The following FAM171A1 variants were observed in gnomAD, a reference collection of about 807,000 sequenced individuals.
The protein encoded by FAM171A1 is protein FAM171A1.
In FAM171A1, 23 loss-of-function variants were observed where a neutral mutation model predicts 74.9. The ratio of observed to expected loss-of-function variants is 0.31; its 90% confidence interval spans 0.22 to 0.44. FAM171A1 has a LOEUF of 0.44. FAM171A1 is among the 20% of genes least tolerant of loss of function. The probability of loss-of-function intolerance (pLI) is 1.00; values close to 1 mark genes in which losing one functional copy is unlikely to be tolerated. For missense variants in FAM171A1, 1,162 were observed against 1,159.2 expected, an observed-to-expected ratio of 1.00 and a Z score of -0.03; for synonymous variants, 527 against 505.7, an observed-to-expected ratio of 1.04 and a Z score of -0.57.
intron 3 of FAM171A1, among the ~76,000 whole-genome samples, chr10:15,275,512 G>A (rs148850868): frequency 1.7e-4 from 26 of 151,718 alleles, no homozygotes; most frequent in African/African-American, 6.3e-4. Context: ...GGCCAGGCTG[G>A]TCTCCAATCC....
At chr10:15,292,200 C>G (rs964774117) in intron 1 of FAM171A1, among the ~76,000 whole-genome samples, 5 of 152,038 alleles carry the variant, frequency 3.3e-5, no homozygotes, top group Admixed American at 6.6e-5. Context: ...ACCTGATGTC[C>G]TCCCAAAAGA....
intron 1 of FAM171A1, among the ~76,000 whole-genome samples, chr10:15,314,701 T>C (rs1025665268): frequency 6.6e-6 from 1 of 152,242 alleles, no homozygotes; most frequent in Non-Finnish European, 1.5e-5. Context: ...TCTGCTTTGC[T>C]GGTGCAGATC....
intron 1 of FAM171A1, among the ~76,000 whole-genome samples, chr10:15,331,070 G>C (rs12763692): frequency 0.073 from 11,020 of 151,758 alleles, 511 homozygotes; most frequent in Middle Eastern, 0.11. Flanking sequence ...TTGTATTTTT[G>C]GTAGAAACAG....
intron 1 of FAM171A1, among the ~76,000 whole-genome samples, chr10:15,306,889 T>C (rs1835302250): frequency 2.0e-5 from 3 of 152,238 alleles, no homozygotes; most frequent in South Asian, 2.1e-4. Flanking sequence ...ACATCCATCA[T>C]GACTAACACT....
chr10:15,223,253 C>T (rs982444769), intron 5 of FAM171A1, among the ~76,000 whole-genome samples: 5 of 152,200 alleles, frequency 3.3e-5, no homozygotes, highest in African/African-American at 7.2e-5. Context: ...AGAATGTTTG[C>T]GACTGCTCCT....
intron 4 of FAM171A1, among the ~76,000 whole-genome samples, chr10:15,252,519 T>C (rs1834522899): frequency 6.6e-6 from 1 of 152,246 alleles, no homozygotes; most frequent in Non-Finnish European, 1.5e-5. Context: ...TGAGTGACTG[T>C]GGGCAAAAGA....
intron 3 of FAM171A1, among the ~76,000 whole-genome samples, chr10:15,270,860 C>G (rs905450812): frequency 6.6e-6 from 1 of 152,148 alleles, no homozygotes; most frequent in Admixed American, 6.6e-5. Flanking sequence ...GACATCCACA[C>G]CAAAACCCCA....
rs1310648728 is a variant in FAM171A1 at position 15,213,143 on chromosome 10, G to A, written c.2445C>T (p.Cys815=). The A allele has an allele frequency of 2.5e-6, 4 of 1,614,114 alleles. No homozygotes were observed. Among genetic ancestry groups the A allele is most frequent in the South Asian group, 1.1e-5 (1 of 91,080 alleles). The change falls in exon 8 of 8, where the codon TGC becomes TGT. Residue 815 remains cysteine, a synonymous_variant. Coordinates refer to ENST00000378116, the MANE Select transcript of FAM171A1 (RefSeq NM_001010924.2). This position sits in a 1 kb window ranked among gnomAD's most constrained non-coding sequence, Gnocchi z 6.8. ...VCTPEDSALR[C]LLEGSSRRSG... The stretch of plus-strand genomic sequence containing the variant: ...TTCTCCGACTCGACCCCTCCAACAA[G>A]CATCGCAGGGCACTGTCCTCGGGGG...
chr10:15,365,253 T>C (rs1836045056), intron 1 of FAM171A1, among the ~76,000 whole-genome samples: 1 of 152,094 alleles, frequency 6.6e-6, no homozygotes, highest in Non-Finnish European at 1.5e-5. Flanking sequence ...CACTTAGATT[T>C]TGAGTCTGGT....
At chr10:15,270,700 G>A (rs983725623) in intron 3 of FAM171A1, among the ~76,000 whole-genome samples, 2 of 152,206 alleles carry the variant, frequency 1.3e-5, no homozygotes, top group African/African-American at 2.4e-5. Flanking sequence ...GGATCAGGCA[G>A]CAACATTTGC....
At chr10:15,317,499 A>C (rs1215081631) in intron 1 of FAM171A1, among the ~76,000 whole-genome samples, 1 of 151,660 alleles carries the variant, frequency 6.6e-6, no homozygotes, top group Non-Finnish European at 1.5e-5. Context: ...GGTTCAAGCG[A>C]CTCTCCTGCC....
chr10:15,299,294 CTTAG>C (rs1455676476), intron 1 of FAM171A1, among the ~76,000 whole-genome samples: 1 of 152,124 alleles, frequency 6.6e-6, no homozygotes, highest in African/African-American at 2.4e-5. Flanking sequence ...CTGGGAACTG[CTTAG>C]TTAATGAGCA....
intron 1 of FAM171A1, among the ~76,000 whole-genome samples, chr10:15,365,045 C>CA (rs1306531916): frequency 3.9e-5 from 6 of 152,144 alleles, no homozygotes; most frequent in Non-Finnish European, 5.9e-5. Context: ...TTCTGGGGGC[C>CA]ATTATTCTAC....
At chr10:15,344,211 G>A (rs983735143) in intron 1 of FAM171A1, among the ~76,000 whole-genome samples, 1 of 152,170 alleles carries the variant, frequency 6.6e-6, no homozygotes, top group Admixed American at 6.5e-5. Flanking sequence ...AAAAACAGGA[G>A]CTTCCACCAA....
rs1420842681 is a variant in FAM171A1, at chr10:15,213,038, G to C, written c.2550C>G (p.Pro850=). The change falls in exon 8 of 8, where the codon CCC becomes CCG. Residue 850 remains proline, a synonymous_variant. Transcript: ENST00000378116. The surrounding 1 kb of genome is among the most constrained non-coding windows in gnomAD (Gnocchi z 6.8). ...CCTCGTGGGCAGATCTTCTCTGGTG[G>C]GGGCTGGCTGCTGGCTCCGAGGGGG... is the stretch of plus-strand genomic sequence containing the variant. ...ADAPSEPAAS[P]HQRRSAHEEE... is the part of the protein sequence containing the mutation. 2.5e-6 allele frequency: 4 copies of C among 1,613,770 alleles called. No homozygotes were observed. Among genetic ancestry groups the C allele is most frequent in the Non-Finnish European group, 3.4e-6 (4 of 1,179,998 alleles).
At chr10:15,272,572 A>C (rs1174124398) in intron 3 of FAM171A1, among the ~76,000 whole-genome samples, 1 of 152,198 alleles carries the variant, frequency 6.6e-6, no homozygotes, top group African/African-American at 2.4e-5. Flanking sequence ...TCTCCACCCC[A>C]AATCAACAGA....
At chr10:15,345,881 G>A (rs1272905810) in intron 1 of FAM171A1, among the ~76,000 whole-genome samples, 1 of 152,196 alleles carries the variant, frequency 6.6e-6, no homozygotes, top group Admixed American at 6.5e-5. Flanking sequence ...CTCCTGGGGT[G>A]ACGGAGGCTC....
At chr10:15,224,174 C>T (rs1050598467) in intron 5 of FAM171A1, among the ~76,000 whole-genome samples, 7 of 151,940 alleles carry the variant, frequency 4.6e-5, no homozygotes, top group African/African-American at 1.4e-4. Flanking sequence ...CAGGGGTTGT[C>T]AGTGATGGGG....
At chr10:15,251,701 C>T (rs1325964119) in intron 4 of FAM171A1, among the ~76,000 whole-genome samples, 2 of 152,072 alleles carry the variant, frequency 1.3e-5, no homozygotes, top group Non-Finnish European at 1.5e-5. Context: ...TGTGAGCCAT[C>T]GCGCCTGGCC....
Sources: gnomAD v4.1 joint callset for allele counts (sites outside exome capture counted in the v4.1 genomes callset) on GRCh38, gnomAD v4.1.1 for gene constraint, Gnocchi (gnomAD v3.1) non-coding constraint, MANE v1.5 for transcripts, NCBI Gene and HGNC (gene_info 2026-07-23, HGNC 2026-07-21) for gene names.